The following CHST3 variants were observed in gnomAD, a reference collection of about 807,000 sequenced individuals.
CHST3 encodes C6ST-1.
A neutral mutation model predicts 35.4 loss-of-function variants in CHST3; 20 were observed. The ratio of observed to expected loss-of-function variants is 0.57; its 90% CI spans 0.40 to 0.82. The LOEUF (loss-of-function observed/expected upper bound fraction) is 0.82. CHST3 is among the 40% of genes least tolerant of loss of function. The pLI is 0.00. For missense variants in CHST3, 693 were observed against 670.1 expected (o/e 1.03, Z -0.38); for synonymous variants, 334 against 295.9 (o/e 1.13, Z -1.32).
At chr10:71,965,555 A>C (rs1181280368) in intron 1 of CHST3, among the ~76,000 whole-genome samples, 1 of 152,206 alleles carries the variant, frequency 6.6e-6, no homozygotes, top group East Asian at 1.9e-4. Flanking sequence ...GGGAGAAACC[A>C]AGGCAGGCCT....
At position 71,987,182 on chromosome 10, in the gene CHST3, C is replaced by G. The variant is rs150903661; in HGVS notation, c.-107-18554C>G. Among the ~76,000 whole-genome samples, 306 of 152,236 alleles carry G rather than the reference C, an allele frequency of 2.0e-3. 1 individual carries two copies. Among genetic ancestry groups the G allele is most frequent in the African/African-American group, 6.8e-3 (282 of 41,530 alleles). On this transcript the variant is annotated intron_variant, in intron 1 of 2. Coordinates refer to ENST00000373115, the MANE Select transcript of CHST3 (RefSeq NM_004273.5). ...GGACCAAGCCTCCTGCTGCCCAAGA[C>G]CCCTGTGGCCCCTCTCTCCCTAACC...
chr10:72,011,972 G>T lies in CHST3; in HGVS notation c.*3501G>T, dbSNP rs1840115235. On this transcript the variant is annotated 3_prime_UTR_variant, in exon 3 of 3. Transcript: ENST00000373115. ...AGTCTCTGTCACATACACCGCAGGT[G>T]GTCACCGAGTTATTTTCCAAAAGCT... The T allele has an allele frequency of 6.6e-6, 1 of 152,214 alleles. No homozygotes were observed. Among genetic ancestry groups the T allele is most frequent in the East Asian group, 1.9e-4 (1 of 5,202 alleles). The allele number at this position is 152,214 out of a possible 1,614,324, so 9.4% of individuals were successfully genotyped here. A position where few individuals can be genotyped will look rare whatever the true frequency, so the allele number is the denominator to read the frequency against.
rs11000131 is a variant in CHST3, at chr10:72,006,970, C to T, written c.141-202C>T. ...CATCCATCATGCACCTCTTTCCTCC[C>T]CTGCCTCACTTCCCCATCCAGTACT... On this transcript the variant is annotated intron_variant, in intron 2 of 2. Coordinates refer to ENST00000373115, the MANE Select transcript of CHST3 (RefSeq NM_004273.5). Among the ~76,000 whole-genome samples the T allele has an allele frequency of 4.2e-4, 64 of 152,386 alleles. 1 individual carries two copies. In the East Asian group the frequency reaches 0.012, roughly 28 times the overall value.
At chr10:71,975,261 T>C (rs1031930880) in intron 1 of CHST3, among the ~76,000 whole-genome samples, 14 of 152,212 alleles carry the variant, frequency 9.2e-5, no homozygotes, top group African/African-American at 3.1e-4. Flanking sequence ...GGTAGTCTTA[T>C]TTTACAGATG....
In CHST3 at chr10:72,008,571, G is replaced by A; in HGVS notation, c.*100G>A. The A allele has an allele frequency of 7.0e-7, 1 of 1,438,700 alleles. No homozygotes were observed. The highest frequency in any genetic ancestry group is 9.1e-7 in the Non-Finnish European group (1 of 1,099,634). The allele number at this position is 1,438,700 out of a possible 1,614,324, so 89.1% of individuals were successfully genotyped here. ...GGGTGCACAGCGCCATGAGCGGGCA[G>A]CGCCTCCTGTAGCAGTAGGGCCCCC... On this transcript the variant is annotated 3_prime_UTR_variant, in exon 3 of 3. Transcript: ENST00000373115.
chr10:71,981,507 G>T (rs117761604), intron 1 of CHST3, among the ~76,000 whole-genome samples: 2,663 of 152,330 alleles, frequency 0.017, 27 homozygotes, highest in South Asian at 0.027. Context: ...GCCCAGGTCA[G>T]CTCCCTCAAC....
chr10:71,999,991 G>C (rs1161565403), intron 1 of CHST3, among the ~76,000 whole-genome samples: 1 of 152,208 alleles, frequency 6.6e-6, no homozygotes, highest in Non-Finnish European at 1.5e-5. Context: ...GAATTCAAGA[G>C]ACTAAAGTTA....
At chr10:71,977,546 C>A (rs1839758259) in intron 1 of CHST3, among the ~76,000 whole-genome samples, 1 of 151,522 alleles carries the variant, frequency 6.6e-6, no homozygotes, top group African/African-American at 2.4e-5. Context: ...ACCTCCCAAC[C>A]TCAAGTGATC....
At chr10:71,979,288 A>G (rs1839777432) in intron 1 of CHST3, among the ~76,000 whole-genome samples, 1 of 152,138 alleles carries the variant, frequency 6.6e-6, no homozygotes, top group Non-Finnish European at 1.5e-5. Context: ...GAGAGGGTGG[A>G]GGTGAGGACC....
At chr10:71,992,025 A>C (rs1839901253) in intron 1 of CHST3, among the ~76,000 whole-genome samples, 3 of 152,126 alleles carry the variant, frequency 2.0e-5, no homozygotes, top group African/African-American at 7.2e-5. Flanking sequence ...AAAATACTTT[A>C]TTTGCTGAAA....
At chr10:72,006,610 AG>A (rs1840040964) in intron 2 of CHST3, among the ~76,000 whole-genome samples, 1 of 152,234 alleles carries the variant, frequency 6.6e-6, no homozygotes, top group Non-Finnish European at 1.5e-5. Context: ...TTGAATTGGC[AG>A]CATACAGCTA....
chr10:71,973,461 G>C (rs765742409), intron 1 of CHST3, among the ~76,000 whole-genome samples: 1 of 152,326 alleles, frequency 6.6e-6, no homozygotes, highest in South Asian at 2.1e-4. Context: ...TGGCTGAGTC[G>C]TTTCCCTGAG....
At chr10:71,983,291 G>C (rs1248632079) in intron 1 of CHST3, among the ~76,000 whole-genome samples, 1 of 152,194 alleles carries the variant, frequency 6.6e-6, no homozygotes, top group African/African-American at 2.4e-5. Context: ...GAGAACCTCA[G>C]GATTGGGACC....
At position 72,007,565 on chromosome 10, in the gene CHST3, C is replaced by A; in HGVS notation, c.534C>A (p.Gly178=). ...IERTVSFEPG[G]ANAAGSALVY... ...GCACAGTGTCCTTCGAGCCGGGGGG[C>A]GCCAACGCCGCGGGCTCGGCCCTGG... The change falls in exon 3 of 3, where the codon GGC becomes GGA. Residue 178 remains glycine (G), a synonymous_variant. Coordinates refer to ENST00000373115, the MANE Select transcript of CHST3 (RefSeq NM_004273.5). The A allele has an allele frequency of 1.2e-6, 2 of 1,607,330 alleles. No homozygotes were observed. Among genetic ancestry groups the A allele is most frequent in the Non-Finnish European group, 1.7e-6 (2 of 1,179,752 alleles).
intron 1 of CHST3, among the ~76,000 whole-genome samples, chr10:72,002,204 A>G (rs544940437): frequency 6.6e-5 from 10 of 152,340 alleles, no homozygotes; most frequent in Non-Finnish European, 1.2e-4. Context: ...CCAAGTGTCC[A>G]GCTTTGCTTC....
rs1232196576 is a variant in CHST3 at position 72,008,142 on chromosome 10, T to C, written c.1111T>C (p.Tyr371His). The change falls in exon 3 of 3, where the codon TAC becomes CAC. Residue 371 changes from tyrosine to histidine, a missense_variant. By Grantham distance (83) the Tyr-to-His change is moderately conservative. Transcript: ENST00000373115. ...GCGGGGCCGCTACATGCTGGTGCGCTACGAGGACGTGGCACGCGGGCCGCT... is the reference window on the plus strand; with the variant it reads ...GCGGGGCCGCTACATGCTGGTGCGCCACGAGGACGTGGCACGCGGGCCGCT... The part of the protein sequence containing the change: ...WLRGRYMLVR[Y>H]EDVARGPLQK... The C allele has an allele frequency of 8.4e-6, 13 of 1,548,330 alleles. No homozygotes were observed. The highest frequency in any genetic ancestry group is 1.1e-5 in the Non-Finnish European group (13 of 1,146,378).
At chr10:71,987,921 A>G (rs1188024912) in intron 1 of CHST3, among the ~76,000 whole-genome samples, 1 of 152,158 alleles carries the variant, frequency 6.6e-6, no homozygotes, top group Non-Finnish European at 1.5e-5. Flanking sequence ...CGGTTATCTC[A>G]GAAATCCTGT....
chr10:71,986,062 T>C lies in CHST3; in HGVS notation c.-107-19674T>C, dbSNP rs142477497. 4.1e-3 allele frequency among the ~76,000 whole-genome samples: 628 copies of C among 152,368 alleles called. 3 individuals carry two copies. The highest frequency in any genetic ancestry group is 6.1e-3 in the Non-Finnish European group (415 of 68,046). On this transcript the variant is annotated intron_variant, in intron 1 of 2. Coordinates refer to ENST00000373115, the MANE Select transcript of CHST3 (RefSeq NM_004273.5). ...TATTGTATGTGTATCAGTGTTGTTTTTTTTTACTAAGTAGGTAAAACAAGG... is the reference window on the plus strand; with the variant it reads ...TATTGTATGTGTATCAGTGTTGTTTCTTTTTACTAAGTAGGTAAAACAAGG...
intron 1 of CHST3, among the ~76,000 whole-genome samples, chr10:71,966,637 C>A (rs1166038693): frequency 6.6e-6 from 1 of 152,206 alleles, no homozygotes; most frequent in Non-Finnish European, 1.5e-5. Flanking sequence ...GGCTTGGGCA[C>A]CCCCAATTTC....
Sources: allele counts gnomAD v4.1 joint callset (sites outside exome capture counted in the v4.1 genomes callset), GRCh38; gene constraint gnomAD v4.1.1; transcripts MANE v1.5; gene names NCBI Gene and HGNC (gene_info 2026-07-23, HGNC 2026-07-21).